Variants in COX6C observed in about 807,000 individuals in gnomAD.
COX6C encodes cytochrome c oxidase polypeptide VIc.
COX6C carries 3 observed loss-of-function variants against 6.9 expected under a neutral mutation model. The ratio of observed to expected loss-of-function variants is 0.43; its 90% CI spans 0.20 to 1.12. The LOEUF is 1.12. Ranked by LOEUF, COX6C falls within the 50% of genes most tolerant of loss-of-function variation. The pLI, the probability that COX6C is intolerant of heterozygous loss-of-function variation, is 0.27. For missense variants in COX6C, 101 were observed against 97.3 expected (o/e 1.04, Z -0.16); for synonymous variants, 32 against 32.0 (o/e 1.00, Z 0.00).
chr8:99,888,882 T>C (rs1817987323), intron 2 of COX6C, among the ~76,000 whole-genome samples: 2 of 152,218 alleles, frequency 1.3e-5, no homozygotes, highest in African/African-American at 4.8e-5. Flanking sequence ...CTGCACCTTG[T>C]GCAGTGGGGA....
chr8:99,880,575 T>G (rs1235968140), intron 3 of COX6C, among the ~76,000 whole-genome samples: 1 of 151,986 alleles, frequency 6.6e-6, no homozygotes, highest in African/African-American at 2.4e-5. Flanking sequence ...TCATTTGAAG[T>G]TATCAAGTCT....
chr8:99,886,632 G>A (rs1817946587), intron 3 of COX6C, among the ~76,000 whole-genome samples: 1 of 152,030 alleles, frequency 6.6e-6, no homozygotes, highest in South Asian at 2.1e-4. Flanking sequence ...ATGGATGAAT[G>A]GATAACAATG....
chr8:99,889,818 C>T (rs190796706), intron 2 of COX6C, among the ~76,000 whole-genome samples: 2,506 of 151,532 alleles, frequency 0.017, 66 homozygotes, highest in African/African-American at 0.057. Flanking sequence ...CGACCGGGTG[C>T]GGTGGCTCAC....
chr8:99,889,623 G>A (rs929443494), intron 2 of COX6C, among the ~76,000 whole-genome samples: 1 of 151,190 alleles, frequency 6.6e-6, no homozygotes, highest in African/African-American at 2.4e-5. Context: ...CCTGACCTCA[G>A]GTGATCTGCC....
At chr8:99,889,419 C>G (rs2131010039) in intron 2 of COX6C, among the ~76,000 whole-genome samples, 1 of 145,838 alleles carries the variant, frequency 6.9e-6, no homozygotes, top group African/African-American at 2.6e-5. Flanking sequence ...GAGTCTCGCT[C>G]TTGTTGCCCA....
intron 3 of COX6C, among the ~76,000 whole-genome samples, chr8:99,882,502 T>C (rs1306394068): frequency 1.3e-5 from 2 of 152,068 alleles, no homozygotes; most frequent in African/African-American, 2.4e-5. Context: ...TACAAGGAAA[T>C]TTTTAAAAAA....
chr8:99,887,442 A>T, intron 3 of COX6C, 48 bp downstream of exon 3: 1 of 1,142,564 alleles, frequency 8.8e-7, no homozygotes, highest in Non-Finnish European at 1.2e-6. Context: ...TTTGCATTTT[A>T]CCACAATTAG....
At position 99,893,693 on chromosome 8, in the gene COX6C, G is replaced by C. The variant is rs781119797; in HGVS notation, c.-86C>G. ...GAAAAACGAACCGTGCTGTAGCCGC[G>C]CGCAGGCGCAGAATAAGAGTGCACA... On this transcript the variant is annotated 5_prime_UTR_variant, in exon 1 of 4. Transcript: ENST00000520468. 1.3e-5 allele frequency: 2 copies of C among 152,308 alleles called. No individual in the cohort carries two copies. Among genetic ancestry groups the C allele is most frequent in the South Asian group, 2.1e-4 (1 of 4,838 alleles). 9.4% of individuals were successfully genotyped at this position (152,308 alleles called of 1,614,324 possible). A position where few individuals can be genotyped will look rare whatever the true frequency, so the allele number is the denominator to read the frequency against.
intron 3 of COX6C, among the ~76,000 whole-genome samples, chr8:99,881,952 T>C (rs1817872753): frequency 6.6e-6 from 1 of 152,044 alleles, no homozygotes; most frequent in South Asian, 2.1e-4. Context: ...CTACACTAAA[T>C]CAGACAAAAT....
At chr8:99,883,605 T>C (rs1019389607) in intron 3 of COX6C, among the ~76,000 whole-genome samples, 3 of 151,922 alleles carry the variant, frequency 2.0e-5, no homozygotes, top group African/African-American at 7.3e-5. Context: ...CCCAGCCCTC[T>C]ATGAAACCAG....
At chr8:99,883,084 C>A (rs1488592674) in intron 3 of COX6C, among the ~76,000 whole-genome samples, 2 of 151,722 alleles carry the variant, frequency 1.3e-5, no homozygotes, top group Non-Finnish European at 2.9e-5. Context: ...AGCTACCACA[C>A]CCACTCTAGA....
intron 3 of COX6C, among the ~76,000 whole-genome samples, chr8:99,879,202 C>A (rs1407627150): frequency 6.6e-6 from 1 of 152,190 alleles, no homozygotes; most frequent in Non-Finnish European, 1.5e-5. Flanking sequence ...AGATGACTTT[C>A]CATCAGCACA....
chr8:99,889,464 T>C (rs536248702), intron 2 of COX6C, among the ~76,000 whole-genome samples: 1 of 151,190 alleles, frequency 6.6e-6, no homozygotes, highest in African/African-American at 2.4e-5. Context: ...CGGCTCACTG[T>C]AACCTCCCCT....
intron 2 of COX6C, among the ~76,000 whole-genome samples, chr8:99,888,881 G>A (rs1281442808): frequency 2.0e-5 from 3 of 152,234 alleles, no homozygotes; most frequent in Admixed American, 1.3e-4. Flanking sequence ...GCTGCACCTT[G>A]TGCAGTGGGG....
At chr8:99,891,594 AC>A (rs1818033292) in intron 2 of COX6C, among the ~76,000 whole-genome samples, 1 of 152,306 alleles carries the variant, frequency 6.6e-6, no homozygotes, top group African/African-American at 2.4e-5. Context: ...CCCACAGAGG[AC>A]CCTGTGAAGA....
Position 99,893,628 on chromosome 8 carries a change from A to C in COX6C, c.-32+11T>G, listed in dbSNP as rs1425929766. The C allele has an allele frequency of 1.3e-5, 2 of 152,290 alleles. No individual in the cohort carries two copies. Among genetic ancestry groups the C allele is most frequent in the Non-Finnish European group, 2.9e-5 (2 of 68,092 alleles). 9.4% of individuals were successfully genotyped at this position (152,290 alleles called of 1,614,324 possible). On this transcript the variant is annotated intron_variant, in intron 1 of 3. Transcript: ENST00000520468. ...GTGTCGGGGTAGGGATGCAAAAGGGACCGGACTCACCTCAACACCAACGTC... is the reference window on the plus strand; with the variant it reads ...GTGTCGGGGTAGGGATGCAAAAGGGCCCGGACTCACCTCAACACCAACGTC...
chr8:99,884,105 C>T (rs1193561598), intron 3 of COX6C, among the ~76,000 whole-genome samples: 1 of 152,152 alleles, frequency 6.6e-6, no homozygotes, highest in Non-Finnish European at 1.5e-5. Context: ...GCTCTTGCCA[C>T]TTCTATTCAT....
intron 3 of COX6C, among the ~76,000 whole-genome samples, chr8:99,880,762 A>G (rs1817849360): frequency 6.6e-6 from 1 of 152,144 alleles, no homozygotes; most frequent in Non-Finnish European, 1.5e-5. Flanking sequence ...AGCTTAAGAT[A>G]TCTGACTATA....
At chr8:99,883,892 C>A (rs1481160463) in intron 3 of COX6C, among the ~76,000 whole-genome samples, 1 of 152,120 alleles carries the variant, frequency 6.6e-6, no homozygotes, top group Non-Finnish European at 1.5e-5. Context: ...ACATACCACA[C>A]TGACAGAATG....
Sources: gnomAD v4.1 joint callset for allele counts (sites outside exome capture counted in the v4.1 genomes callset) on GRCh38, gnomAD v4.1.1 for gene constraint, MANE v1.5 for transcripts, NCBI Gene and HGNC (gene_info 2026-07-23, HGNC 2026-07-21) for gene names.